Variants in CCDC91 observed in about 807,000 individuals in gnomAD.
CCDC91 encodes coiled-coil domain containing 91.
A neutral mutation model predicts 63.2 loss-of-function variants in CCDC91; 48 were observed. That is an observed-to-expected ratio of 0.76 (90% CI 0.60 to 0.97). The LOEUF is 0.97. CCDC91 is among the 50% of genes least tolerant of loss of function. CCDC91 has a pLI of 0.00. For synonymous variants in CCDC91, 167 were observed against 165.8 expected, an observed-to-expected ratio of 1.01 and a Z score of -0.06; for missense variants, 500 against 494.6, an observed-to-expected ratio of 1.01 and a Z score of -0.10.
At chr12:28,527,805 ACGT>A (rs1941399455) in intron 12 of CCDC91, among the ~76,000 whole-genome samples, 1 of 152,096 alleles carries the variant, frequency 6.6e-6, no homozygotes, top group Non-Finnish European at 1.5e-5. Flanking sequence ...TGAGGTTCCC[ACGT>A]CAGTGGAATT....
chr12:28,526,980 T>C (rs929410946), intron 12 of CCDC91, among the ~76,000 whole-genome samples: 2 of 152,122 alleles, frequency 1.3e-5, no homozygotes, highest in Admixed American at 1.3e-4. Context: ...TTTATGCTAT[T>C]TATTTCCTTG....
rs970912537 is a variant in CCDC91 at position 28,379,466 on chromosome 12, A to C, written c.655-11838A>C. On this transcript the variant is annotated intron_variant, in intron 7 of 12. Coordinates refer to ENST00000536442, the MANE Select transcript of CCDC91 (RefSeq NM_018318.5). Reference sequence around the variant, plus strand: ...AAACAAATTTACAAAAAAAAAAAAAAAAACCATAACCCCATCAAAAAGTGG... The same window carrying C: ...AAACAAATTTACAAAAAAAAAAAAACAAACCATAACCCCATCAAAAAGTGG... Among the ~76,000 whole-genome samples, 7 of 151,820 alleles carry C rather than the reference A, an allele frequency of 4.6e-5. No homozygotes were observed. The South Asian group carries it at 6.2e-4, about 14-fold the overall frequency.
chr12:28,361,739 CA>C (rs1488982911), intron 6 of CCDC91, among the ~76,000 whole-genome samples: 1 of 151,762 alleles, frequency 6.6e-6, no homozygotes, highest in African/African-American at 2.4e-5. Flanking sequence ...CTGTTTTCTC[CA>C]TTTCCCTTCT....
chr12:28,402,090 T>C (rs564944357), intron 8 of CCDC91, among the ~76,000 whole-genome samples: 1 of 152,290 alleles, frequency 6.6e-6, no homozygotes, highest in African/African-American at 2.4e-5. Flanking sequence ...ATTGGCATTA[T>C]TGACATTAGG....
intron 7 of CCDC91, among the ~76,000 whole-genome samples, chr12:28,365,549 C>G (rs1444060473): frequency 1.3e-5 from 2 of 152,134 alleles, no homozygotes; most frequent in African/African-American, 2.4e-5. Context: ...CAAAATATCT[C>G]TAGTTACTAT....
At chr12:28,545,232 G>A (rs552761916) in intron 12 of CCDC91, among the ~76,000 whole-genome samples, 21 of 152,068 alleles carry the variant, frequency 1.4e-4, no homozygotes, top group African/African-American at 5.1e-4. Flanking sequence ...TGAAATGAAA[G>A]CCACAAATAC....
intron 8 of CCDC91, among the ~76,000 whole-genome samples, chr12:28,423,930 A>G (rs1948157933): frequency 6.6e-6 from 1 of 152,174 alleles, no homozygotes; most frequent in East Asian, 1.9e-4. Flanking sequence ...GACATATTGA[A>G]AGGACAGTGA....
intron 6 of CCDC91, among the ~76,000 whole-genome samples, chr12:28,338,025 C>G (rs1317371581): frequency 1.3e-5 from 2 of 152,050 alleles, no homozygotes; most frequent in East Asian, 3.8e-4. Context: ...ACCCAAGAGA[C>G]AGAAGTCTTG....
chr12:28,535,912 C>T (rs1170991136), intron 12 of CCDC91, among the ~76,000 whole-genome samples: 2 of 151,698 alleles, frequency 1.3e-5, no homozygotes, highest in Non-Finnish European at 2.9e-5. Flanking sequence ...GCCCATAGTC[C>T]CAGCTACTCG....
chr12:28,203,547 C>T (rs936661839), intron 1 of CCDC91, among the ~76,000 whole-genome samples: 1 of 152,182 alleles, frequency 6.6e-6, no homozygotes, highest in African/African-American at 2.4e-5. Context: ...ATGTAGCAAA[C>T]CATTTAACAA....
At chr12:28,511,073 C>T (rs1227510808) in intron 12 of CCDC91, among the ~76,000 whole-genome samples, 1 of 151,884 alleles carries the variant, frequency 6.6e-6, no homozygotes, top group Non-Finnish European at 1.5e-5. Flanking sequence ...CATCAGCTTA[C>T]CACCTTTCTT....
At chr12:28,332,218 T>C (rs1003635114) in intron 6 of CCDC91, among the ~76,000 whole-genome samples, 4 of 152,140 alleles carry the variant, frequency 2.6e-5, no homozygotes, top group African/African-American at 4.8e-5. Context: ...CTGGGACTTA[T>C]TGCTTCAGTA....
chr12:28,479,901 G>C lies in CCDC91; in HGVS notation c.1102-4151G>C, dbSNP rs145383740. 1.9e-4 allele frequency among the ~76,000 whole-genome samples: 29 copies of C among 152,118 alleles called. 1 individual carries two copies. Among genetic ancestry groups the C allele is most frequent in the African/African-American group, 7.0e-4 (29 of 41,542 alleles). ...TATGGGGTGAGGCAAGGATGACTAT[G>C]TATGAGATTAATAAAGACTGTGTTT... On this transcript the variant is annotated intron_variant, in intron 11 of 12. Coordinates refer to ENST00000536442, the MANE Select transcript of CCDC91 (RefSeq NM_018318.5).
At chr12:28,479,896 A>G (rs757898265) in intron 11 of CCDC91, among the ~76,000 whole-genome samples, 1 of 152,032 alleles carries the variant, frequency 6.6e-6, no homozygotes, top group Non-Finnish European at 1.5e-5. Flanking sequence ...GGCAAGGATG[A>G]CTATGTATGA....
chr12:28,470,793 G>A (rs1440874588), intron 11 of CCDC91, among the ~76,000 whole-genome samples: 1 of 152,064 alleles, frequency 6.6e-6, no homozygotes, highest in African/African-American at 2.4e-5. Flanking sequence ...AACATGAATG[G>A]AACTGGAGTT....
chr12:28,379,479 C>T (rs914786464), intron 7 of CCDC91, among the ~76,000 whole-genome samples: 1 of 150,986 alleles, frequency 6.6e-6, no homozygotes, highest in South Asian at 2.1e-4. Flanking sequence ...ACCATAACCC[C>T]ATCAAAAAGT....
intron 1 of CCDC91, among the ~76,000 whole-genome samples, chr12:28,235,322 A>C (rs1944870859): frequency 6.6e-6 from 1 of 152,194 alleles, no homozygotes; most frequent in African/African-American, 2.4e-5. Context: ...CCAAAGGTTT[A>C]AATGGTGTAT....
intron 7 of CCDC91, among the ~76,000 whole-genome samples, chr12:28,364,676 AAAGT>A (rs1944158192): frequency 6.6e-6 from 1 of 152,126 alleles, no homozygotes; most frequent in African/African-American, 2.4e-5. Flanking sequence ...ACAACGGTAA[AAAGT>A]AACACAAATT....
At chr12:28,453,373 A>G (rs1413314754) in intron 11 of CCDC91, among the ~76,000 whole-genome samples, 1 of 152,022 alleles carries the variant, frequency 6.6e-6, no homozygotes, top group African/African-American at 2.4e-5. Context: ...AACATGTTCA[A>G]ACTGTTAAAT....
Sources: allele counts gnomAD v4.1 joint callset (sites outside exome capture counted in the v4.1 genomes callset), GRCh38; gene constraint gnomAD v4.1.1; transcripts MANE v1.5; gene names NCBI Gene and HGNC (gene_info 2026-07-23, HGNC 2026-07-21).